Variants in L3MBTL4 observed in about 807,000 individuals in gnomAD.
L3MBTL4 encodes L3MBTL histone methyl-lysine binding protein 4.
L3MBTL4 carries 70 observed loss-of-function variants against 84.5 expected under a neutral mutation model. The observed-to-expected ratio is 0.83, with a 90% CI of 0.68 to 1.01. L3MBTL4 has a LOEUF of 1.01. L3MBTL4 is among the 50% of genes least tolerant of loss of function. The probability of loss-of-function intolerance (pLI) is 0.00; values close to 1 mark genes in which losing one functional copy is unlikely to be tolerated. For synonymous variants in L3MBTL4, 274 were observed against 259.8 expected, an observed-to-expected ratio of 1.05 and a Z score of -0.52; for missense variants, 715 against 754.8, an observed-to-expected ratio of 0.95 and a Z score of 0.62.
At chr18:6,111,664 T>G (rs1489983279) in intron 14 of L3MBTL4, among the ~76,000 whole-genome samples, 1 of 152,192 alleles carries the variant, frequency 6.6e-6, no homozygotes, top group Non-Finnish European at 1.5e-5. Context: ...GCATCTGCCC[T>G]TCTCTTCTGA....
chr18:5,970,220 C>T (rs1410433666), intron 16 of L3MBTL4, among the ~76,000 whole-genome samples: 1 of 152,220 alleles, frequency 6.6e-6, no homozygotes. Context: ...GACATGACCT[C>T]CCTAACACAG....
chr18:6,261,710 C>T (rs1484869896), intron 5 of L3MBTL4, among the ~76,000 whole-genome samples: 1 of 152,064 alleles, frequency 6.6e-6, no homozygotes, highest in Non-Finnish European at 1.5e-5. Context: ...TTAGTTAACA[C>T]CAGGTCATAA....
At chr18:6,210,729 G>A (rs2046069305) in intron 12 of L3MBTL4, among the ~76,000 whole-genome samples, 3 of 152,138 alleles carry the variant, frequency 2.0e-5, no homozygotes, top group Admixed American at 1.3e-4. Context: ...CACAAACACA[G>A]GCATGCAGCA....
rs2055680842 is a variant in L3MBTL4, at chr18:6,029,584, T to G, written c.1444+51297A>C. On this transcript the variant is annotated intron_variant, in intron 16 of 18. Transcript: ENST00000317931. ...GCAGCAACAAAAACGATAAACTGCT[T>G]AGGAATAAACTTCGTAAGAAGGACG... 3 of 985,182 alleles carry G rather than the reference T, an allele frequency of 3.0e-6. No individual in the cohort carries two copies. In the Admixed American group the frequency reaches 1.8e-4, roughly 61 times the overall value. The allele number at this position is 985,182 out of a possible 1,614,324, so 61.0% of individuals were successfully genotyped here. A position where few individuals can be genotyped will look rare whatever the true frequency, so the allele number is the denominator to read the frequency against.
intron 16 of L3MBTL4, among the ~76,000 whole-genome samples, chr18:6,065,395 C>T (rs2057368017): frequency 6.6e-6 from 1 of 151,658 alleles, no homozygotes; most frequent in African/African-American, 2.4e-5. Flanking sequence ...CCTTCTTTAT[C>T]TTTTGGAACT....
intron 14 of L3MBTL4, among the ~76,000 whole-genome samples, chr18:6,096,982 C>T (rs1475526087): frequency 6.6e-6 from 1 of 152,174 alleles, no homozygotes; most frequent in African/African-American, 2.4e-5. Flanking sequence ...TTCAGAAGAG[C>T]ATTTCTCCAT....
At chr18:6,412,921 C>CA (rs553786468) in intron 1 of L3MBTL4, among the ~76,000 whole-genome samples, 4,409 of 135,534 alleles carry the variant, frequency 0.033, 189 homozygotes, top group African/African-American at 0.1. Context: ...TCCGTCTCTA[C>CA]AAAAAAAAAA....
intron 13 of L3MBTL4, among the ~76,000 whole-genome samples, chr18:6,165,700 C>CAAG (rs2043613993): frequency 6.6e-6 from 1 of 152,156 alleles, no homozygotes; most frequent in Non-Finnish European, 1.5e-5. Flanking sequence ...TGGAAAGGAA[C>CAAG]GACTGGTACC....
chr18:6,382,941 C>T (rs2054656330), intron 1 of L3MBTL4, among the ~76,000 whole-genome samples: 1 of 152,134 alleles, frequency 6.6e-6, no homozygotes, highest in African/African-American at 2.4e-5. Flanking sequence ...GTGCTCTGTC[C>T]CAGGGAGATG....
chr18:6,167,193 C>G (rs1045003869), intron 13 of L3MBTL4, among the ~76,000 whole-genome samples: 3 of 152,124 alleles, frequency 2.0e-5, no homozygotes, highest in African/African-American at 7.2e-5. Flanking sequence ...TAATAGCTTA[C>G]CAACCAAAAA....
At chr18:6,045,248 A>G (rs544049049) in intron 16 of L3MBTL4, among the ~76,000 whole-genome samples, 3 of 152,340 alleles carry the variant, frequency 2.0e-5, no homozygotes, top group Admixed American at 1.3e-4. Context: ...CTTAAGTAAA[A>G]GATATTTCAA....
At chr18:6,042,865 C>G (rs1260796177) in intron 16 of L3MBTL4, among the ~76,000 whole-genome samples, 2 of 152,188 alleles carry the variant, frequency 1.3e-5, no homozygotes. Flanking sequence ...GAGGTTCTGA[C>G]CCATATCCTT....
chr18:6,149,711 A>G (rs2144808804), intron 13 of L3MBTL4, among the ~76,000 whole-genome samples: 1 of 152,264 alleles, frequency 6.6e-6, no homozygotes, highest in South Asian at 2.1e-4. Flanking sequence ...GGACTTTTTA[A>G]CTTTATTTTG....
At chr18:6,290,550 C>CA (rs1002928457) in intron 4 of L3MBTL4, among the ~76,000 whole-genome samples, 6 of 150,494 alleles carry the variant, frequency 4.0e-5, no homozygotes, top group Non-Finnish European at 5.9e-5. Context: ...TTTTTTGAGA[C>CA]AGAGTCTCGC....
At chr18:6,286,120 A>C (rs944577834) in intron 4 of L3MBTL4, among the ~76,000 whole-genome samples, 2 of 150,222 alleles carry the variant, frequency 1.3e-5, no homozygotes, top group Non-Finnish European at 3.0e-5. Flanking sequence ...GTGAGCCACC[A>C]TGCCCGGCCT....
chr18:6,226,537 A>C (rs571307307), intron 10 of L3MBTL4, among the ~76,000 whole-genome samples: 1 of 152,326 alleles, frequency 6.6e-6, no homozygotes, highest in East Asian at 1.9e-4. Context: ...TGTTTTCCTT[A>C]TTTGCTCATT....
intron 12 of L3MBTL4, among the ~76,000 whole-genome samples, chr18:6,192,077 T>C (rs994548847): frequency 6.7e-6 from 1 of 148,434 alleles, no homozygotes; most frequent in Non-Finnish European, 1.5e-5. Flanking sequence ...GGGGAATCAA[T>C]AGAAGGTGTG....
At chr18:6,018,516 T>G (rs2055104122) in intron 16 of L3MBTL4, among the ~76,000 whole-genome samples, 1 of 152,166 alleles carries the variant, frequency 6.6e-6, no homozygotes, top group Admixed American at 6.5e-5. Context: ...CCACTGACCA[T>G]GTACTAAAGA....
At chr18:6,106,544 G>A (rs1211906509) in intron 14 of L3MBTL4, among the ~76,000 whole-genome samples, 1 of 152,170 alleles carries the variant, frequency 6.6e-6, no homozygotes, top group Non-Finnish European at 1.5e-5. Flanking sequence ...TGGAGAACTG[G>A]CCATCTGGAT....
Sources: gnomAD v4.1 joint callset for allele counts (sites outside exome capture counted in the v4.1 genomes callset) on GRCh38, gnomAD v4.1.1 for gene constraint, MANE v1.5 for transcripts, NCBI Gene and HGNC (gene_info 2026-07-23, HGNC 2026-07-21) for gene names.